Variants in NIPSNAP1 observed in about 807,000 individuals in gnomAD.
NIPSNAP1 encodes protein NipSnap homolog 1.
In NIPSNAP1, 25 loss-of-function variants were observed where a neutral mutation model predicts 49.2. That is an observed-to-expected ratio of 0.51 (90% CI 0.37 to 0.71). NIPSNAP1 has a LOEUF of 0.71. Among genes scored for constraint, NIPSNAP1 ranks in the 30% least tolerant of loss-of-function variants. The pLI, the probability that NIPSNAP1 is intolerant of heterozygous loss-of-function variation, is 0.00. For synonymous variants in NIPSNAP1, 143 were observed against 140.7 expected, an observed-to-expected ratio of 1.02 and a Z score of -0.12; for missense variants, 294 against 361.0, an observed-to-expected ratio of 0.81 and a Z score of 1.50.
chr22:29,567,397 T>C lies in NIPSNAP1; in HGVS notation c.367+1796A>G, dbSNP rs5763340. Among the ~76,000 whole-genome samples, 1,633 of 152,192 alleles carry C rather than the reference T, an allele frequency of 0.011. 82 individuals carry two copies. In the South Asian group the frequency reaches 0.13, roughly 12 times the overall value. ...GTGCTGCATATTGGGGATTCACCCA[T>C]ATATGGAGACAGACAACTAAACAGG... On this transcript the variant is annotated intron_variant, in intron 4 of 9. Transcript: ENST00000216121.
chr22:29,561,337 C>T (rs2064333970), intron 6 of NIPSNAP1, 135 bp from the exon 7 acceptor site: 1 of 1,416,828 alleles, frequency 7.1e-7, no homozygotes, highest in East Asian at 2.3e-5. Context: ...CATTCGCAGG[C>T]CCTGACACAC....
intron 9 of NIPSNAP1, 80 bp downstream of exon 9, chr22:29,558,790 G>A: frequency 5.5e-6 from 6 of 1,082,494 alleles, no homozygotes; most frequent in Non-Finnish European, 8.6e-6. Flanking sequence ...AGGTAATCAA[G>A]AAAGACTAGA....
At chr22:29,570,635 C>A in intron 1 of NIPSNAP1, 103 bp from the exon 2 acceptor site, 1 of 1,480,238 alleles carries the variant, frequency 6.8e-7, no homozygotes, top group Non-Finnish European at 9.1e-7. Flanking sequence ...ACCCACATTT[C>A]TGGGAACAGG....
intron 8 of NIPSNAP1, among the ~76,000 whole-genome samples, chr22:29,560,001 T>C (rs2064322634): frequency 6.6e-6 from 1 of 152,138 alleles, no homozygotes; most frequent in South Asian, 2.1e-4. Context: ...CCCCACATTC[T>C]TCCCTACTCA....
intron 1 of NIPSNAP1, chr22:29,580,059 C>T: frequency 7.7e-7 from 1 of 1,301,064 alleles, no homozygotes; most frequent in Middle Eastern, 2.1e-4. Context: ...ATGGTTGCTT[C>T]CTTTTCACAG....
chr22:29,572,272 C>CT (rs1240674572), intron 1 of NIPSNAP1, among the ~76,000 whole-genome samples: 5 of 129,788 alleles, frequency 3.9e-5, no homozygotes, highest in Admixed American at 3.4e-4. Context: ...CATCACACTC[C>CT]CGCCTGGGCA....
rs755509618 is a variant in NIPSNAP1 at position 29,570,197 on chromosome 22, T to C, written c.237A>G (p.Val79=). ...SNLYKIQFHN[V]KPEYLDAYNS... Reference sequence around the variant, plus strand: ...TGTAGGCATCCAGGTATTCAGGCTTTACATTGTGAACTGCAACAGAGGACA... The same window carrying C: ...TGTAGGCATCCAGGTATTCAGGCTTCACATTGTGAACTGCAACAGAGGACA... The change falls in exon 3 of 10, where the codon GTA becomes GTG. Residue 79 remains valine (V), a synonymous_variant. Transcript: ENST00000216121. The C allele has an allele frequency of 1.9e-6, 3 of 1,613,962 alleles. No homozygotes were observed. The Admixed American group carries it at 5.0e-5, about 27-fold the overall frequency.
intron 2 of NIPSNAP1, 91 bp downstream of exon 2, chr22:29,570,314 C>T (rs2064398727): frequency 6.2e-7 from 1 of 1,607,470 alleles, no homozygotes; most frequent in Non-Finnish European, 8.5e-7. Flanking sequence ...CAGCTGAGGA[C>T]ATTCCAGACC....
At chr22:29,574,959 C>T (rs968116475) in intron 1 of NIPSNAP1, among the ~76,000 whole-genome samples, 3 of 152,168 alleles carry the variant, frequency 2.0e-5, no homozygotes, top group Middle Eastern at 3.4e-3. Flanking sequence ...CCCATTCTCG[C>T]GAGGATAAAA....
At chr22:29,580,814 T>C (rs975079034) in intron 1 of NIPSNAP1, among the ~76,000 whole-genome samples, 171 bp downstream of exon 1, 1 of 151,664 alleles carries the variant, frequency 6.6e-6, no homozygotes, top group African/African-American at 2.4e-5. Flanking sequence ...CATCCCTTTC[T>C]CACCTCCCCC....
rs1285474018 is a variant in NIPSNAP1 at position 29,555,394 on chromosome 22, G to A, written c.*541C>T. On this transcript the variant is annotated 3_prime_UTR_variant, in exon 10 of 10. Coordinates refer to ENST00000216121, the MANE Select transcript of NIPSNAP1 (RefSeq NM_003634.4). Reference sequence around the variant, plus strand: ...AGAATGTCTGAACCTCCTCCTGACCGTGGTGACGAGGTTTGTTTGTATTTG... The same window carrying A: ...AGAATGTCTGAACCTCCTCCTGACCATGGTGACGAGGTTTGTTTGTATTTG... The A allele has an allele frequency of 1.9e-5, 3 of 158,164 alleles. No individual in the cohort carries two copies. Among genetic ancestry groups the A allele is most frequent in the Non-Finnish European group, 4.2e-5 (3 of 71,252 alleles). 9.8% of individuals were successfully genotyped at this position (158,164 alleles called of 1,614,324 possible). A position where few individuals can be genotyped will look rare whatever the true frequency, so the allele number is the denominator to read the frequency against.
intron 8 of NIPSNAP1, 129 bp downstream of exon 8, chr22:29,560,605 A>G: frequency 1.3e-6 from 1 of 792,088 alleles, no homozygotes; most frequent in South Asian, 1.4e-5. Context: ...TTGTGACTTT[A>G]CATCTAAGAT....
At position 29,580,855 on chromosome 22, in the gene NIPSNAP1, G is replaced by C. The variant is rs919814143; in HGVS notation, c.98+130C>G. 80 of 720,042 alleles carry C rather than the reference G, an allele frequency of 1.1e-4. No individual in the cohort carries two copies. In the African/African-American group the frequency reaches 1.2e-3, roughly 11 times the overall value. 44.6% of individuals were successfully genotyped at this position (720,042 alleles called of 1,614,324 possible). ...TTGCCCAGACCCCTCCCTAGGCCTT[G>C]ATCCTGCCCCGCCTCTAACCCCCAG... On this transcript the variant is annotated intron_variant, in intron 1 of 9. Coordinates refer to ENST00000216121, the MANE Select transcript of NIPSNAP1 (RefSeq NM_003634.4).
intron 7 of NIPSNAP1, 120 bp downstream of exon 7, chr22:29,561,051 G>T: frequency 9.6e-7 from 1 of 1,040,148 alleles, no homozygotes. Flanking sequence ...ATCCATGAGG[G>T]GCAGAAGGTA....
At chr22:29,571,245 C>T (rs187988133) in intron 1 of NIPSNAP1, among the ~76,000 whole-genome samples, 35 of 152,260 alleles carry the variant, frequency 2.3e-4, no homozygotes, top group African/African-American at 7.5e-4. Flanking sequence ...CTAGCCTTAA[C>T]TCTGCTTCTG....
intron 6 of NIPSNAP1, 119 bp from the exon 7 acceptor site, chr22:29,561,321 T>G: frequency 6.8e-7 from 1 of 1,474,992 alleles, no homozygotes; most frequent in Non-Finnish European, 9.4e-7. Context: ...AGCGGCCATT[T>G]GGCCTCATTC....
intron 1 of NIPSNAP1, among the ~76,000 whole-genome samples, chr22:29,575,045 G>C (rs898722404): frequency 6.6e-5 from 10 of 152,170 alleles, no homozygotes; most frequent in African/African-American, 2.4e-4. Context: ...TAAGAACCCA[G>C]CGCTCTTTCC....
At chr22:29,568,050 G>A (rs113499103) in intron 4 of NIPSNAP1, among the ~76,000 whole-genome samples, 16 of 151,210 alleles carry the variant, frequency 1.1e-4, no homozygotes, top group African/African-American at 3.2e-4. Flanking sequence ...ATGGTGGAGC[G>A]CACCTATAGT....
chr22:29,570,891 C>A (rs903147613), intron 1 of NIPSNAP1, among the ~76,000 whole-genome samples: 1 of 152,074 alleles, frequency 6.6e-6, no homozygotes, highest in East Asian at 1.9e-4. Context: ...CCCAAATCCA[C>A]CTTGCATCAT....
Sources: allele counts gnomAD v4.1 joint callset (sites outside exome capture counted in the v4.1 genomes callset), GRCh38; gene constraint gnomAD v4.1.1; transcripts MANE v1.5; gene names NCBI Gene and HGNC (gene_info 2026-07-23, HGNC 2026-07-21).